Variants in FAM227B observed in about 807,000 individuals in gnomAD.
FAM227B encodes family with sequence similarity 227 member B, also known as protein FAM227B.
A neutral mutation model predicts 73.8 loss-of-function variants in FAM227B; 88 were observed. That is an observed-to-expected ratio of 1.19 (90% CI 1.00 to 1.42). The LOEUF (loss-of-function observed/expected upper bound fraction) is 1.42, where lower values mean the gene tolerates loss of function less well. Among genes scored for constraint, FAM227B ranks in the 40% most tolerant of loss-of-function variants. FAM227B has a pLI of 0.00. For synonymous variants in FAM227B, 210 were observed against 190.5 expected (o/e 1.10, Z -0.84); for missense variants, 632 against 590.9 (o/e 1.07, Z -0.72).
At chr15:49,502,145 G>A (rs959193041) in intron 11 of FAM227B, among the ~76,000 whole-genome samples, 14 of 152,160 alleles carry the variant, frequency 9.2e-5, no homozygotes, top group South Asian at 4.1e-4. Flanking sequence ...CTTTTATTAC[G>A]GCAGTAAAGA....
chr15:49,337,515 T>TC (rs1359260171), intron 13 of FAM227B, among the ~76,000 whole-genome samples: 1 of 135,454 alleles, frequency 7.4e-6, no homozygotes, highest in Non-Finnish European at 1.6e-5. Context: ...CCACTTTTTT[T>TC]TTTTTTTTTT....
chr15:49,589,374 C>A (rs8028721), intron 4 of FAM227B, among the ~76,000 whole-genome samples: 1 of 152,028 alleles, frequency 6.6e-6, no homozygotes, highest in Non-Finnish European at 1.5e-5. Context: ...TTAACAAAAG[C>A]TTAACAGTTT....
intron 11 of FAM227B, chr15:49,489,221 T>C (rs991009802): frequency 1.0e-6 from 1 of 984,386 alleles, no homozygotes. Flanking sequence ...ATCCAAGTCA[T>C]AAACTAGGTG....
Position 49,404,223 on chromosome 15 carries a change from G to T in FAM227B, c.1013-32824C>A, listed in dbSNP as rs571959154. ...AGTATATACCATGTGGCAATGAAAA[G>T]AATGTGTATTCTCTTGTTTTGGGTG... On this transcript the variant is annotated intron_variant, in intron 11 of 15. Coordinates refer to ENST00000299338, the MANE Select transcript of FAM227B (RefSeq NM_152647.3). 2.6e-5 allele frequency among the ~76,000 whole-genome samples: 4 copies of T among 152,276 alleles called. No homozygotes were observed. In the East Asian group the frequency reaches 5.8e-4, roughly 22 times the overall value.
At chr15:49,361,242 A>T (rs539081921) in intron 13 of FAM227B, among the ~76,000 whole-genome samples, 11 of 151,826 alleles carry the variant, frequency 7.2e-5, no homozygotes, top group African/African-American at 1.2e-4. Context: ...TATGATGCAA[A>T]TTTTTTTTTA....
intron 11 of FAM227B, among the ~76,000 whole-genome samples, chr15:49,476,984 T>C (rs1260219443): frequency 6.7e-6 from 1 of 150,160 alleles, no homozygotes; most frequent in Non-Finnish European, 1.5e-5. Context: ...GGTGCAAACC[T>C]GGGAGGCGGA....
intron 13 of FAM227B, among the ~76,000 whole-genome samples, chr15:49,351,884 T>C (rs1002828736): frequency 3.3e-5 from 5 of 152,222 alleles, no homozygotes; most frequent in African/African-American, 1.2e-4. Flanking sequence ...TATGGTTTAG[T>C]TGTCTATTGC....
At chr15:49,596,892 A>T (rs1235084808) in intron 3 of FAM227B, among the ~76,000 whole-genome samples, 1 of 151,968 alleles carries the variant, frequency 6.6e-6, no homozygotes, top group Non-Finnish European at 1.5e-5. Context: ...TTATATAATG[A>T]TGAAAGGCCT....
chr15:49,538,594 T>C (rs1436343891), intron 10 of FAM227B, among the ~76,000 whole-genome samples: 1 of 152,166 alleles, frequency 6.6e-6, no homozygotes, highest in Non-Finnish European at 1.5e-5. Flanking sequence ...GGTTGCAATG[T>C]AAAATTTAAC....
intron 11 of FAM227B, among the ~76,000 whole-genome samples, chr15:49,450,133 A>C (rs1436981221): frequency 6.6e-6 from 1 of 152,148 alleles, no homozygotes; most frequent in East Asian, 1.9e-4. Flanking sequence ...TCTTACAGGG[A>C]AATTCACTAT....
chr15:49,562,610 C>G (rs1475191647), intron 9 of FAM227B, among the ~76,000 whole-genome samples: 2 of 151,900 alleles, frequency 1.3e-5, no homozygotes, highest in Admixed American at 6.6e-5. Context: ...CAACAAAATT[C>G]TAGCAAACAA....
At chr15:49,339,787 T>A (rs184769561) in intron 13 of FAM227B, among the ~76,000 whole-genome samples, 17 of 152,204 alleles carry the variant, frequency 1.1e-4, no homozygotes, top group Non-Finnish European at 2.2e-4. Context: ...AAGTCCCTGA[T>A]TGGGGCTGGT....
At chr15:49,470,211 G>A (rs1389746344) in intron 11 of FAM227B, among the ~76,000 whole-genome samples, 1 of 151,706 alleles carries the variant, frequency 6.6e-6, no homozygotes, top group Non-Finnish European at 1.5e-5. Flanking sequence ...AAAACCACAT[G>A]TGAGAATACT....
rs1253249822 is a variant in FAM227B, at chr15:49,588,116, T to TTA, written c.338-35_338-34dup. On this transcript the variant is annotated intron_variant, in intron 4 of 15. Transcript: ENST00000299338. The stretch of plus-strand genomic sequence containing the variant: ...AAAATAAGAATTCACAGTATATATA[T>TTA]TATACATATGAACCTCCTCTAAAAA... The TTA allele has an allele frequency of 7.3e-6, 9 of 1,230,104 alleles. No individual in the cohort carries two copies. In the African/African-American group the frequency reaches 1.4e-4, roughly 19 times the overall value. The allele number at this position is 1,230,104 out of a possible 1,614,324, so 76.2% of individuals were successfully genotyped here. A position where few individuals can be genotyped will look rare whatever the true frequency, so the allele number is the denominator to read the frequency against.
At chr15:49,503,768 A>C (rs2058349180) in intron 11 of FAM227B, among the ~76,000 whole-genome samples, 1 of 152,244 alleles carries the variant, frequency 6.6e-6, no homozygotes, top group Non-Finnish European at 1.5e-5. Flanking sequence ...TTAAAAAGTC[A>C]GGAAACAACA....
intron 13 of FAM227B, chr15:49,366,784 G>A (rs1596602957): frequency 1.7e-6 from 1 of 604,254 alleles, no homozygotes; most frequent in East Asian, 3.1e-5. Flanking sequence ...GGGGCGGCCG[G>A]GCTAGGCTGG....
chr15:49,505,309 T>C (rs1224856670), intron 11 of FAM227B, among the ~76,000 whole-genome samples: 2 of 152,268 alleles, frequency 1.3e-5, no homozygotes, highest in African/African-American at 4.8e-5. Flanking sequence ...ATAGATGTTT[T>C]TTTACCTCGA....
Position 49,590,011 on chromosome 15 carries a change from C to T in FAM227B, c.106-4G>A, listed in dbSNP as rs749259576. ...GGATTTCCCTTGGCCAATAATCCTG[C>T]AAAAAACGTGAAAGAGAGAATATAG... On this transcript the variant is annotated splice_polypyrimidine_tract_variant and splice_region_variant and intron_variant, in intron 3 of 15. Transcript: ENST00000299338. The T allele has an allele frequency of 6.9e-7, 1 of 1,453,750 alleles. No individual in the cohort carries two copies. Among genetic ancestry groups the T allele is most frequent in the African/African-American group, 1.4e-5 (1 of 70,854 alleles). The allele number at this position is 1,453,750 out of a possible 1,614,324, so 90.1% of individuals were successfully genotyped here. A position where few individuals can be genotyped will look rare whatever the true frequency, so the allele number is the denominator to read the frequency against.
intron 9 of FAM227B, among the ~76,000 whole-genome samples, chr15:49,549,050 T>G (rs1013619629): frequency 1.3e-5 from 2 of 152,038 alleles, no homozygotes; most frequent in Non-Finnish European, 2.9e-5. Flanking sequence ...TAATTTTGGG[T>G]TTGGTTTGCT....
Sources: allele counts gnomAD v4.1 joint callset (sites outside exome capture counted in the v4.1 genomes callset), GRCh38; gene constraint gnomAD v4.1.1; transcripts MANE v1.5; gene names NCBI Gene and HGNC (gene_info 2026-07-23, HGNC 2026-07-21).